STAB2: variants seen among roughly 807,000 people sequenced by gnomAD.
STAB2 encodes the protein stabilin-2.
Under a neutral mutation model 338.1 loss-of-function variants are expected in STAB2, and 288 were observed. The observed-to-expected ratio is 0.85, with a 90% confidence interval of 0.77 to 0.94. The LOEUF (loss-of-function observed/expected upper bound fraction) is 0.94. Ranked by LOEUF, STAB2 falls within the 40% of genes least tolerant of loss-of-function variation. The pLI, the probability that STAB2 is intolerant of heterozygous loss-of-function variation, is 0.00. For synonymous variants in STAB2, 1,202 were observed against 1,193.3 expected (o/e 1.01, Z -0.15); for missense variants, 3,141 against 3,210.1 (o/e 0.98, Z 0.52).
At chr12:103,595,218 T>C (rs958274123) in intron 3 of STAB2, among the ~76,000 whole-genome samples, 4 of 152,194 alleles carry the variant, frequency 2.6e-5, no homozygotes, top group African/African-American at 9.6e-5. Flanking sequence ...TGTAAAGTCT[T>C]CTTTTTTTGG....
intron 53 of STAB2, among the ~76,000 whole-genome samples, chr12:103,738,165 G>A (rs1882304930): frequency 6.6e-6 from 1 of 152,100 alleles, no homozygotes. Flanking sequence ...ATATGAAATT[G>A]CCATATTTGA....
At chr12:103,611,071 G>C (rs571724710) in intron 3 of STAB2, among the ~76,000 whole-genome samples, 1 of 152,158 alleles carries the variant, frequency 6.6e-6, no homozygotes, top group African/African-American at 2.4e-5. Flanking sequence ...TATAATTTCT[G>C]TTCTTTTACA....
chr12:103,668,457 G>A (rs1875377398), intron 19 of STAB2, 186 bp from the exon 20 acceptor site: 1 of 580,368 alleles, frequency 1.7e-6, no homozygotes. Flanking sequence ...CACCAACAAG[G>A]GAACAGGCCT....
chr12:103,664,028 T>C (rs763445903), intron 18 of STAB2, among the ~76,000 whole-genome samples: 62 of 152,186 alleles, frequency 4.1e-4, no homozygotes, highest in Non-Finnish European at 5.7e-4. Flanking sequence ...GCAGTACTTT[T>C]CAAAAAACCA....
At chr12:103,673,690 G>A (rs1876050555) in intron 22 of STAB2, among the ~76,000 whole-genome samples, 1 of 152,168 alleles carries the variant, frequency 6.6e-6, no homozygotes, top group South Asian at 2.1e-4. Context: ...TCCTGGGTGG[G>A]ACAAGCAAGC....
chr12:103,674,303 G>C (rs957730295), intron 23 of STAB2, among the ~76,000 whole-genome samples: 1 of 152,120 alleles, frequency 6.6e-6, no homozygotes, highest in Admixed American at 6.5e-5. Context: ...AACTTACCAG[G>C]TGTGTGACTG....
intron 39 of STAB2, among the ~76,000 whole-genome samples, chr12:103,709,688 G>T (rs907327201): frequency 6.6e-6 from 1 of 152,184 alleles, no homozygotes; most frequent in African/African-American, 2.4e-5. Flanking sequence ...AGGGAGGAAG[G>T]TTAGTTGAAA....
chr12:103,665,539 TGAGAGCAG>T (rs1053015818), intron 18 of STAB2, among the ~76,000 whole-genome samples: 4 of 151,972 alleles, frequency 2.6e-5, no homozygotes, highest in African/African-American at 9.7e-5. Context: ...CTGAACCCAG[TGAGAGCAG>T]GAAGCGTGGA....
intron 46 of STAB2, among the ~76,000 whole-genome samples, chr12:103,726,978 A>G (rs1276806598): frequency 6.6e-6 from 1 of 152,220 alleles, no homozygotes; most frequent in Non-Finnish European, 1.5e-5. Context: ...GAAAATAGTA[A>G]GAGCTGCTTC....
chr12:103,653,531 CATGGATGGATGG>C (rs200766638), intron 12 of STAB2, among the ~76,000 whole-genome samples: 2 of 149,466 alleles, frequency 1.3e-5, no homozygotes, highest in East Asian at 2.0e-4. Context: ...ATGGATGATG[CATGGATGGATGG>C]ATGGATGGAT....
At chr12:103,670,608 A>G in intron 21 of STAB2, 88 bp from the exon 22 acceptor site, 1 of 1,015,158 alleles carries the variant, frequency 9.9e-7, no homozygotes, top group Non-Finnish European at 1.5e-6. Context: ...GTGGGATTTA[A>G]TCTGAATTCA....
intron 3 of STAB2, among the ~76,000 whole-genome samples, chr12:103,611,608 G>A (rs551769294): frequency 1.5e-4 from 23 of 152,206 alleles, no homozygotes; most frequent in African/African-American, 5.3e-4. Context: ...GGTTTCCTGA[G>A]TACAGCACAC....
At position 103,723,816 on chromosome 12, in the gene STAB2, G is replaced by A. The variant is rs140266922; in HGVS notation, c.4684-1159G>A. On this transcript the variant is annotated intron_variant, in intron 44 of 68. Transcript: ENST00000388887. ...CTGAGTGGGTGGGCAGGAATGCTGG[G>A]GAGAAAGAAGTAAGCTCAAAGGAGG... is the stretch of plus-strand genomic sequence containing the variant. Among the ~76,000 whole-genome samples the A allele has an allele frequency of 2.0e-5, 3 of 152,270 alleles. No individual in the cohort carries two copies. In the East Asian group the frequency reaches 5.8e-4, roughly 29 times the overall value.
At chr12:103,739,527 C>T in intron 54 of STAB2, 59 bp downstream of exon 54, 1 of 673,012 alleles carries the variant, frequency 1.5e-6, no homozygotes, top group Non-Finnish European at 2.2e-6. Flanking sequence ...ATTATCAGAC[C>T]TGTGTGTGTG....
chr12:103,739,378 T>G, intron 53 of STAB2, 34 bp from the exon 54 acceptor site: 4 of 1,546,016 alleles, frequency 2.6e-6, no homozygotes, highest in Non-Finnish European at 3.5e-6. Context: ...TCTGATATTC[T>G]TGGTTTTCAA....
intron 4 of STAB2, 30 bp downstream of exon 4, chr12:103,620,583 T>A (rs191804190): frequency 6.5e-7 from 1 of 1,538,844 alleles, no homozygotes; most frequent in African/African-American, 1.4e-5. Flanking sequence ...CTTCCTTTCC[T>A]GGTTTCTGCT....
intron 9 of STAB2, among the ~76,000 whole-genome samples, chr12:103,644,712 CAGAT>C (rs925354556): frequency 8.9e-4 from 135 of 152,206 alleles, no homozygotes; most frequent in African/African-American, 3.0e-3. Flanking sequence ...AAAATATAAA[CAGAT>C]AGAATGAATA....
At chr12:103,678,185 AC>A (rs2138849474) in intron 25 of STAB2, among the ~76,000 whole-genome samples, 1 of 152,336 alleles carries the variant, frequency 6.6e-6, no homozygotes, top group East Asian at 1.9e-4. Context: ...GAAGATGGGA[AC>A]CAGGATTTTA....
chr12:103,759,273 G>T lies in STAB2; in HGVS notation c.7248G>T (p.Pro2416=). 1 of 1,613,476 alleles carries T rather than the reference G, an allele frequency of 6.2e-7. No individual in the cohort carries two copies. Among genetic ancestry groups the T allele is most frequent in the Non-Finnish European group, 8.5e-7 (1 of 1,179,798 alleles). Residue 2416 remains proline, a splice_region_variant and synonymous_variant, in exon 65 of 69, where the codon CCG becomes CCT. Coordinates refer to ENST00000388887, the MANE Select transcript of STAB2 (RefSeq NM_017564.10). Reference sequence around the variant, plus strand: ...CTGCCAGCCAGGACCCACTCCAACCGGTACAAAGTCTTCTGGGCTTCTTGG... The same window carrying T: ...CTGCCAGCCAGGACCCACTCCAACCTGTACAAAGTCTTCTGGGCTTCTTGG... The part of the protein sequence containing the change: ...LITASQDPLQ[P]TETRFVDGRA...
Sources: gnomAD v4.1 joint callset for allele counts (sites outside exome capture counted in the v4.1 genomes callset) on GRCh38, gnomAD v4.1.1 for gene constraint, MANE v1.5 for transcripts, NCBI Gene and HGNC (gene_info 2026-07-23, HGNC 2026-07-21) for gene names.